Variants in PIK3C2G observed in about 807,000 individuals in gnomAD.
The protein encoded by PIK3C2G is phosphatidylinositol 3-kinase C2 domain-containing subunit gamma.
A neutral mutation model predicts 181.1 loss-of-function variants in PIK3C2G; 168 were observed. The observed-to-expected ratio is 0.93, with a 90% CI of 0.82 to 1.05. The LOEUF (loss-of-function observed/expected upper bound fraction) is 1.05, where lower values mean the gene tolerates loss of function less well. Ranked by LOEUF, PIK3C2G falls within the 50% of genes least tolerant of loss-of-function variation. The pLI is 0.00. For missense variants in PIK3C2G, 1,869 were observed against 1,732.8 expected (o/e 1.08, Z -1.40); for synonymous variants, 573 against 592.2 (o/e 0.97, Z 0.47).
chr12:18,570,275 C>T (rs914721599), intron 29 of PIK3C2G, among the ~76,000 whole-genome samples: 1 of 151,420 alleles, frequency 6.6e-6, no homozygotes, highest in African/African-American at 2.4e-5. Context: ...ATGGCCTGAT[C>T]TCGGCTCACC....
intron 24 of PIK3C2G, among the ~76,000 whole-genome samples, chr12:18,511,367 G>A (rs1942194618): frequency 6.6e-6 from 1 of 152,122 alleles, no homozygotes; most frequent in Non-Finnish European, 1.5e-5. Flanking sequence ...TCGGTCATAC[G>A]GTAGTTCTAT....
chr12:18,403,276 A>G (rs1345901954), intron 16 of PIK3C2G, among the ~76,000 whole-genome samples: 1 of 152,206 alleles, frequency 6.6e-6, no homozygotes, highest in Non-Finnish European at 1.5e-5. Context: ...CAGGGAACTT[A>G]GTAGAATCCT....
Position 18,448,436 on chromosome 12 carries a change from A to C in PIK3C2G, c.2504+24397A>C, listed in dbSNP as rs968367776. Among the ~76,000 whole-genome samples the C allele has an allele frequency of 3.3e-5, 5 of 152,298 alleles. No homozygotes were observed. The South Asian group carries it at 1.0e-3, about 32-fold the overall frequency. On this transcript the variant is annotated intron_variant, in intron 18 of 32. Transcript: ENST00000538779. ...ACTTAAAATCTACGTGTTTAAAATG[A>C]TCAATATACAATACAGTGTTATTAA...
In PIK3C2G at chr12:18,420,861, C is replaced by A. The variant is rs944899525; in HGVS notation, c.2316-80C>A. 4 of 752,132 alleles carry A rather than the reference C, an allele frequency of 5.3e-6. No homozygotes were observed. In the Admixed American group the frequency reaches 5.9e-5, roughly 11 times the overall value. 46.6% of individuals were successfully genotyped at this position (752,132 alleles called of 1,614,324 possible). The stretch of plus-strand genomic sequence containing the variant: ...TACCTTATGCACTGGGGGTAGAATT[C>A]ATTCTCTGTTCTCCCTGACATGTCT... On this transcript the variant is annotated intron_variant, in intron 16 of 32. Transcript: ENST00000538779.
At chr12:18,643,892 T>C (rs1428535395) in intron 32 of PIK3C2G, among the ~76,000 whole-genome samples, 1 of 152,160 alleles carries the variant, frequency 6.6e-6, no homozygotes, top group Non-Finnish European at 1.5e-5. Context: ...TGTACTGTTC[T>C]TGAAGTGGGA....
chr12:18,267,036 A>G (rs1246981584), intron 1 of PIK3C2G, among the ~76,000 whole-genome samples: 2 of 151,980 alleles, frequency 1.3e-5, no homozygotes, highest in Non-Finnish European at 2.9e-5. Context: ...ATTTATTTTT[A>G]GGATTTCCAT....
intron 31 of PIK3C2G, among the ~76,000 whole-genome samples, chr12:18,624,863 C>G (rs114284283): frequency 1.3e-5 from 2 of 151,570 alleles, no homozygotes; most frequent in Non-Finnish European, 3.0e-5. Context: ...CTTTTGTATT[C>G]TTTTGGTGCC....
chr12:18,497,710 T>G lies in PIK3C2G; in HGVS notation c.2978T>G (p.Met993Arg). 1 of 1,612,520 alleles carries G rather than the reference T, an allele frequency of 6.2e-7. No individual in the cohort carries two copies. The highest frequency in any genetic ancestry group is 8.5e-7 in the Non-Finnish European group (1 of 1,178,854). ...IWLQEGLDMQ[M>R]IIYRCLSTGK... Reference sequence around the variant, plus strand: ...CTGCAGGAAGGCTTGGATATGCAAATGATCATTTATAGATGTCTATCCACA... The same window carrying G: ...CTGCAGGAAGGCTTGGATATGCAAAGGATCATTTATAGATGTCTATCCACA... The change falls in exon 22 of 33, where the codon ATG becomes AGG. Residue 993 changes from methionine (M) to arginine (R), a missense_variant. By Grantham distance (91) the Met-to-Arg change is moderately conservative (BLOSUM62 -1). Transcript: ENST00000538779.
chr12:18,723,311 C>A, the PIK3C2G span: 3 of 1,607,842 alleles, frequency 1.9e-6, no homozygotes, highest in Non-Finnish European at 2.6e-6. Flanking sequence ...GCAAACATAC[C>A]TTCTTCGATA....
At chr12:18,244,621 G>C (rs1326695421), upstream of PIK3C2G, among the ~76,000 whole-genome samples, 4 of 149,772 alleles carry the variant, frequency 2.7e-5, no homozygotes, top group Non-Finnish European at 5.9e-5. Flanking sequence ...AATCAAATCA[G>C]GAAAATACTA....
At chr12:18,655,056 A>AAG in the PIK3C2G span, among the ~76,000 whole-genome samples, 2 of 151,632 alleles carry the variant, frequency 1.3e-5, no homozygotes, top group African/African-American at 4.8e-5. Context: ...AACAATAATA[A>AAG]AAAAAAATAC....
Position 18,592,301 on chromosome 12 carries a change from G to T in PIK3C2G, c.4012-2193G>T, listed in dbSNP as rs773994108. On this transcript the variant is annotated intron_variant, in intron 29 of 32. Transcript: ENST00000538779. Reference sequence around the variant, plus strand: ...CTTAAACTTAAATCACAAGCAAAAGGAAAAGGAGTCCACAAAAAAGTCTCA... The same window carrying T: ...CTTAAACTTAAATCACAAGCAAAAGTAAAAGGAGTCCACAAAAAAGTCTCA... Among the ~76,000 whole-genome samples, 38 of 151,756 alleles carry T rather than the reference G, an allele frequency of 2.5e-4. 1 individual carries two copies. The highest frequency in any genetic ancestry group is 7.4e-5 in the Non-Finnish European group (5 of 67,848).
intron 15 of PIK3C2G, among the ~76,000 whole-genome samples, chr12:18,397,380 A>C (rs538609275): frequency 5.9e-5 from 9 of 152,182 alleles, no homozygotes; most frequent in African/African-American, 1.9e-4. Context: ...CATTCTGAGA[A>C]AAATATGTGC....
chr12:18,538,023 G>T, intron 24 of PIK3C2G, 133 bp from the exon 25 acceptor site: 2 of 745,408 alleles, frequency 2.7e-6, no homozygotes, highest in Non-Finnish European at 2.2e-6. Flanking sequence ...GCCTCACAAT[G>T]AAGGAAATTT....
chr12:18,284,198 T>A (rs1333548816), intron 2 of PIK3C2G, among the ~76,000 whole-genome samples: 2 of 152,134 alleles, frequency 1.3e-5, no homozygotes, highest in Admixed American at 6.5e-5. Context: ...TTACACAGAC[T>A]TGAAGTTACA....
chr12:18,385,630 G>A lies in PIK3C2G; in HGVS notation c.1995+3750G>A, dbSNP rs142416034. ...GTCGCCCAGGCTGGAGTGCAGTGGC[G>A]CGATCTCGGCTCACTGCAACCTCCT... On this transcript the variant is annotated intron_variant, in intron 14 of 32. Transcript: ENST00000538779. Among the ~76,000 whole-genome samples, 760 of 152,042 alleles carry A rather than the reference G, an allele frequency of 5.0e-3. 2 individuals are homozygous for A. The highest frequency in any genetic ancestry group is 7.8e-3 in the Non-Finnish European group (532 of 67,978).
At chr12:18,502,779 C>T (rs189449725) in intron 22 of PIK3C2G, among the ~76,000 whole-genome samples, 3 of 152,320 alleles carry the variant, frequency 2.0e-5, no homozygotes, top group Non-Finnish European at 4.4e-5. Context: ...TAGATGTTCA[C>T]TGCTGAGTTA....
intron 30 of PIK3C2G, among the ~76,000 whole-genome samples, chr12:18,600,482 G>T (rs1037800531): frequency 1.3e-5 from 2 of 151,888 alleles, no homozygotes; most frequent in African/African-American, 4.8e-5. Context: ...GATAAAAGTA[G>T]ACTTCAAATA....
intron 18 of PIK3C2G, among the ~76,000 whole-genome samples, chr12:18,479,270 C>G (rs1005158198): frequency 1.3e-5 from 2 of 151,918 alleles, no homozygotes; most frequent in Non-Finnish European, 2.9e-5. Context: ...GAAAACAGGG[C>G]AGGAAGGTGG....
Sources: gnomAD v4.1 joint callset for allele counts (sites outside exome capture counted in the v4.1 genomes callset) on GRCh38, gnomAD v4.1.1 for gene constraint, MANE v1.5 for transcripts, NCBI Gene and HGNC (gene_info 2026-07-23, HGNC 2026-07-21) for gene names.